The following NXPH1 variants were observed in gnomAD, a reference collection of about 807,000 sequenced individuals.
The protein encoded by NXPH1 is neurexophilin-1.
In NXPH1, 5 loss-of-function variants were observed where a neutral mutation model predicts 23.7. The observed-to-expected ratio is 0.21, with a 90% CI of 0.11 to 0.44. The LOEUF (loss-of-function observed/expected upper bound fraction) is 0.44, where lower values mean the gene tolerates loss of function less well. Among genes scored for constraint, NXPH1 ranks in the 20% least tolerant of loss-of-function variants. The pLI, the probability that NXPH1 is intolerant of heterozygous loss-of-function variation, is 0.99. For missense variants in NXPH1, 324 were observed against 321.6 expected, an observed-to-expected ratio of 1.01 and a Z score of -0.06; for synonymous variants, 144 against 122.2, an observed-to-expected ratio of 1.18 and a Z score of -1.18.
At chr7:8,532,671 C>T (rs1250992036) in intron 2 of NXPH1, among the ~76,000 whole-genome samples, 8 of 152,044 alleles carry the variant, frequency 5.3e-5, no homozygotes, top group Non-Finnish European at 8.8e-5. Context: ...GACTCTTGGG[C>T]TCCATCACAG....
At chr7:8,635,511 A>G (rs990121635) in intron 2 of NXPH1, among the ~76,000 whole-genome samples, 14 of 152,206 alleles carry the variant, frequency 9.2e-5, no homozygotes, top group Admixed American at 9.2e-4. Context: ...CATTATCAAG[A>G]CCACTGCTAA....
chr7:8,739,416 T>C (rs1780323308), intron 2 of NXPH1, among the ~76,000 whole-genome samples: 1 of 152,042 alleles, frequency 6.6e-6, no homozygotes, highest in African/African-American at 2.4e-5. Flanking sequence ...CCCTGACCCC[T>C]TGTGCTTCCT....
intron 2 of NXPH1, among the ~76,000 whole-genome samples, chr7:8,558,488 A>G (rs1436005883): frequency 1.3e-5 from 2 of 151,678 alleles, no homozygotes; most frequent in Non-Finnish European, 3.0e-5. Context: ...CATTGGAGCC[A>G]ATAAAGCTTA....
At chr7:8,457,129 T>C (rs541734320) in intron 2 of NXPH1, among the ~76,000 whole-genome samples, 1 of 152,284 alleles carries the variant, frequency 6.6e-6, no homozygotes, top group South Asian at 2.1e-4. Flanking sequence ...TTAAGTGGTG[T>C]TTTCAAACTC....
At chr7:8,599,346 A>G (rs1393554019) in intron 2 of NXPH1, among the ~76,000 whole-genome samples, 1 of 152,130 alleles carries the variant, frequency 6.6e-6, no homozygotes, top group Non-Finnish European at 1.5e-5. Flanking sequence ...ATTCCCTGCC[A>G]TGACTTTTGT....
At chr7:8,604,460 T>C (rs910240566) in intron 2 of NXPH1, among the ~76,000 whole-genome samples, 1 of 152,152 alleles carries the variant, frequency 6.6e-6, no homozygotes, top group Non-Finnish European at 1.5e-5. Flanking sequence ...CTATTCCTGC[T>C]TTCTTACTGT....
chr7:8,714,011 A>C (rs1779838586), intron 2 of NXPH1, among the ~76,000 whole-genome samples: 1 of 152,120 alleles, frequency 6.6e-6, no homozygotes, highest in Non-Finnish European at 1.5e-5. Flanking sequence ...TACAATTTAC[A>C]ATTAGCAAGT....
chr7:8,636,902 G>GGT (rs1674321399), intron 2 of NXPH1, among the ~76,000 whole-genome samples: 1 of 152,188 alleles, frequency 6.6e-6, no homozygotes, highest in African/African-American at 2.4e-5. Flanking sequence ...AATAATTGAA[G>GGT]GTTCAGTAAC....
At chr7:8,568,742 T>G (rs927137588) in intron 2 of NXPH1, among the ~76,000 whole-genome samples, 1 of 151,818 alleles carries the variant, frequency 6.6e-6, no homozygotes, top group Non-Finnish European at 1.5e-5. Context: ...CTGCTGGTAC[T>G]TGAGGTCTAT....
intron 2 of NXPH1, among the ~76,000 whole-genome samples, chr7:8,505,901 A>G (rs1370973991): frequency 6.6e-6 from 1 of 151,938 alleles, no homozygotes; most frequent in Non-Finnish European, 1.5e-5. Flanking sequence ...ATTTCTGGGA[A>G]CCATTTTGAT....
chr7:8,644,063 G>A (rs1028047928), intron 2 of NXPH1, among the ~76,000 whole-genome samples: 19 of 152,138 alleles, frequency 1.2e-4, no homozygotes, highest in East Asian at 5.8e-4. Flanking sequence ...ACAGCTGGGC[G>A]TTACACACTT....
intron 2 of NXPH1, among the ~76,000 whole-genome samples, chr7:8,436,288 A>G (rs1238385602): frequency 6.6e-6 from 1 of 152,186 alleles, no homozygotes; most frequent in Non-Finnish European, 1.5e-5. Context: ...GATAAGTTTA[A>G]CTATCAGGGG....
At chr7:8,452,958 CT>C (rs1816532481) in intron 2 of NXPH1, among the ~76,000 whole-genome samples, 2 of 152,166 alleles carry the variant, frequency 1.3e-5, no homozygotes, top group South Asian at 4.1e-4. Context: ...TCCTAGTTTG[CT>C]TTTCTGGGGA....
At position 8,567,357 on chromosome 7, in the gene NXPH1, T is replaced by C. The variant is rs185736612; in HGVS notation, c.54+131590T>C. ...TCAAATCATTTCTGCAGGGGTCTTA[T>C]AGTAAATACTGCACCTAAGAACTAT... On this transcript the variant is annotated intron_variant, in intron 2 of 2. Coordinates refer to ENST00000405863, the MANE Select transcript of NXPH1 (RefSeq NM_152745.3). Among the ~76,000 whole-genome samples the C allele has an allele frequency of 3.0e-3, 456 of 152,070 alleles. 3 individuals carry two copies. The highest frequency in any genetic ancestry group is 0.011 in the African/African-American group (439 of 41,538).
intron 2 of NXPH1, among the ~76,000 whole-genome samples, chr7:8,543,486 G>T (rs1361769561): frequency 2.0e-5 from 3 of 151,424 alleles, no homozygotes; most frequent in African/African-American, 7.3e-5. Context: ...TAATTACTTG[G>T]GGGTGATTGT....
In NXPH1 at chr7:8,685,194, T is replaced by A. The variant is rs887670998; in HGVS notation, c.55-65814T>A. Among the ~76,000 whole-genome samples, 7 of 151,966 alleles carry A rather than the reference T, an allele frequency of 4.6e-5. No homozygotes were observed. The East Asian group carries it at 9.6e-4, about 21-fold the overall frequency. ...TTAATCAACTGATAACTGAGAGTTA[T>A]CCTTTATTACGTGCATTTGATTTAA... On this transcript the variant is annotated intron_variant, in intron 2 of 2. Coordinates refer to ENST00000405863, the MANE Select transcript of NXPH1 (RefSeq NM_152745.3).
chr7:8,452,888 T>A (rs761271062), intron 2 of NXPH1, among the ~76,000 whole-genome samples: 1 of 152,092 alleles, frequency 6.6e-6, no homozygotes, highest in Non-Finnish European at 1.5e-5. Context: ...ACTGGATCCT[T>A]CTTGGTAAGA....
chr7:8,552,370 AT>A (rs967241619), intron 2 of NXPH1, among the ~76,000 whole-genome samples: 13 of 150,866 alleles, frequency 8.6e-5, no homozygotes, highest in African/African-American at 2.2e-4. Context: ...GGCTGTCTTA[AT>A]TTTTTTTTCT....
At chr7:8,480,984 G>A (rs971260514) in intron 2 of NXPH1, among the ~76,000 whole-genome samples, 11 of 152,126 alleles carry the variant, frequency 7.2e-5, no homozygotes, top group Admixed American at 2.6e-4. Flanking sequence ...GAAACTAGGC[G>A]TGAGAGGCTC....
Sources: gnomAD v4.1 joint callset for allele counts (sites outside exome capture counted in the v4.1 genomes callset) on GRCh38, gnomAD v4.1.1 for gene constraint, MANE v1.5 for transcripts, NCBI Gene and HGNC (gene_info 2026-07-23, HGNC 2026-07-21) for gene names.